GOLGA4: variants seen among roughly 807,000 people sequenced by gnomAD.
GOLGA4 encodes golgin subfamily A member 4.
In GOLGA4, 169 loss-of-function variants were observed where a neutral mutation model predicts 265.9. The observed-to-expected ratio is 0.64, with a 90% CI of 0.56 to 0.72. The LOEUF (loss-of-function observed/expected upper bound fraction) is 0.72, where lower values mean the gene tolerates loss of function less well. Among genes scored for constraint, GOLGA4 ranks in the 30% least tolerant of loss-of-function variants. The pLI is 0.00. For synonymous variants in GOLGA4, 923 were observed against 855.8 expected (o/e 1.08, Z -1.37); for missense variants, 2,482 against 2,483.4 (o/e 1.00, Z 0.01).
intron 2 of GOLGA4, among the ~76,000 whole-genome samples, chr3:37,259,097 G>A (rs2096762445): frequency 6.6e-6 from 1 of 152,090 alleles, no homozygotes; most frequent in Non-Finnish European, 1.5e-5. Context: ...TTGAAATCAT[G>A]TGTCCTGGGC....
At chr3:37,342,826 T>G (rs891480770) in intron 20 of GOLGA4, among the ~76,000 whole-genome samples, 16 of 152,252 alleles carry the variant, frequency 1.1e-4, no homozygotes, top group African/African-American at 3.9e-4. Flanking sequence ...CTATATTTTT[T>G]GTAGTAATTT....
At chr3:37,300,447 T>C (rs2096889697) in intron 9 of GOLGA4, among the ~76,000 whole-genome samples, 2 of 152,188 alleles carry the variant, frequency 1.3e-5, no homozygotes, top group South Asian at 4.1e-4. Flanking sequence ...TAATACTGCT[T>C]TGCTAGATTA....
chr3:37,311,822 TAG>T (rs1311029185), intron 10 of GOLGA4, among the ~76,000 whole-genome samples: 2 of 152,220 alleles, frequency 1.3e-5, no homozygotes, highest in Non-Finnish European at 2.9e-5. Context: ...CGACTGTATA[TAG>T]AAGAATATCC....
In GOLGA4 at chr3:37,298,923, T is replaced by C. The variant is rs1343187782; in HGVS notation, c.905T>C (p.Ile302Thr). 6 of 1,613,292 alleles carry C rather than the reference T, an allele frequency of 3.7e-6. No individual in the cohort carries two copies. The highest frequency in any genetic ancestry group is 2.2e-5 in the East Asian group (1 of 44,852). ...CTACTTAAGCGTTGTAAGGAAACAA[T>C]TCAGTCACATAAGGAACAATGTACA... ...ENLLKRCKET[I>T]QSHKEQCTLL... The change falls in exon 8 of 24, where the codon ATT (isoleucine) becomes ACT (threonine). Residue 302 changes from isoleucine to threonine, a missense_variant. Around this residue, in one of 3 missense-constraint regions of GOLGA4, gnomAD observed 1,536 missense variants for 1,483.7 expected, o/e 1.04. Coordinates refer to ENST00000361924, the MANE Select transcript of GOLGA4 (RefSeq NM_002078.5).
intron 10 of GOLGA4, among the ~76,000 whole-genome samples, chr3:37,314,866 A>G (rs2096933251): frequency 6.6e-6 from 1 of 152,192 alleles, no homozygotes; most frequent in Admixed American, 6.5e-5. Context: ...AGTAAGTTTC[A>G]TTTCAAAATA....
intron 16 of GOLGA4, 52 bp downstream of exon 16, chr3:37,329,145 T>A (rs747159821): frequency 4.2e-6 from 6 of 1,418,718 alleles, no homozygotes; most frequent in Non-Finnish European, 3.8e-6. Flanking sequence ...TGTAATAGAT[T>A]TCATGGTAGT....
chr3:37,286,397 C>T (rs2096849554), intron 4 of GOLGA4, among the ~76,000 whole-genome samples: 1 of 151,894 alleles, frequency 6.6e-6, no homozygotes, highest in African/African-American at 2.4e-5. Context: ...TCATGATCCA[C>T]CCGCCTCGGC....
At chr3:37,334,097 G>C (rs559354796) in intron 16 of GOLGA4, among the ~76,000 whole-genome samples, 1 of 152,282 alleles carries the variant, frequency 6.6e-6, no homozygotes, top group East Asian at 1.9e-4. Context: ...AAAGGTTATT[G>C]CAGGGTTTAT....
In GOLGA4 at chr3:37,324,432, A is replaced by G; in HGVS notation, c.2546A>G (p.Lys849Arg). 6.2e-7 allele frequency: 1 copy of G among 1,614,226 alleles called. No individual in the cohort carries two copies. The highest frequency in any genetic ancestry group is 1.1e-5 in the South Asian group (1 of 91,084). ...CAGGTTGCTGAAGTTGAAGCACAAA[A>G]GAAAGATGTTTGTACTGAGTTAGAT... is the stretch of plus-strand genomic sequence containing the variant. ...TKQVAEVEAQKKDVCTELDAH... is the reference protein window; with the variant it reads ...TKQVAEVEAQRKDVCTELDAH... The change falls in exon 14 of 24, where the codon AAG (lysine) becomes AGG (arginine). Residue 849 changes from lysine (K) to arginine (R), a missense_variant. Lys to Arg is a conservative substitution (Grantham distance 26, BLOSUM62 2). This residue lies in a region of GOLGA4 where 1,536 missense variants were observed against 1,483.7 expected (regional missense o/e 1.04). Transcript: ENST00000361924.
Position 37,337,703 on chromosome 3 carries a change from C to T in GOLGA4, c.6365C>T (p.Ser2122Leu), listed in dbSNP as rs373316909. 1.4e-5 allele frequency: 23 copies of T among 1,611,438 alleles called. No homozygotes were observed. The East Asian group carries it at 4.0e-4, about 28-fold the overall frequency. ...LAQKTTLISDSKLKEQEFREQ... is the reference protein window; with the variant it reads ...LAQKTTLISDLKLKEQEFREQ... Reference sequence around the variant, plus strand: ...CAGAAGACGACTTTAATCAGTGATTCGAAATTGAAAGAGCAAGAGTTCAGA... The same window carrying T: ...CAGAAGACGACTTTAATCAGTGATTTGAAATTGAAAGAGCAAGAGTTCAGA... Residue 2122 changes from serine to leucine, a missense_variant, in exon 19 of 24, where the codon TCG becomes TTG. Ser to Leu is a moderately radical substitution (Grantham distance 145). Transcript: ENST00000361924.
At chr3:37,347,139 A>G (rs899409726) in intron 20 of GOLGA4, 54 bp from the exon 21 acceptor site, 68 of 994,580 alleles carry the variant, frequency 6.8e-5, no homozygotes, top group Non-Finnish European at 1.0e-4. Context: ...TATAAGTAAT[A>G]AGTAGTTTAC....
intron 22 of GOLGA4, among the ~76,000 whole-genome samples, chr3:37,358,928 A>T (rs1204361086): frequency 6.6e-6 from 1 of 151,994 alleles, no homozygotes; most frequent in African/African-American, 2.4e-5. Flanking sequence ...CATATTTTTG[A>T]CCCTCATTGG....
intron 1 of GOLGA4, among the ~76,000 whole-genome samples, chr3:37,246,306 CAAA>C (rs58075364): frequency 4.0e-5 from 3 of 75,460 alleles, no homozygotes; most frequent in Admixed American, 1.6e-4. Flanking sequence ...GACTCCGTCT[CAAA>C]AAAAAAAAAA....
intron 1 of GOLGA4, among the ~76,000 whole-genome samples, chr3:37,247,179 T>C (rs2096721970): frequency 6.6e-6 from 1 of 152,232 alleles, no homozygotes; most frequent in Non-Finnish European, 1.5e-5. Context: ...TTGACTGCTC[T>C]TTTAGAACTG....
chr3:37,345,101 T>G (rs1315598036), intron 20 of GOLGA4, among the ~76,000 whole-genome samples: 1 of 152,086 alleles, frequency 6.6e-6, no homozygotes, highest in East Asian at 1.9e-4. Context: ...TCCCAGCTAC[T>G]TGGGAGGCTG....
rs777969002 is a variant in GOLGA4 at position 37,324,222 on chromosome 3, T to C, written c.2336T>C (p.Val779Ala). ...CATTTGAAAGAGCATCAGGCTCATG[T>C]AGAAAATTTAGAGGCAGATATTAAA... is the stretch of plus-strand genomic sequence containing the variant. ...DKHLKEHQAH[V>A]ENLEADIKRS... The change falls in exon 14 of 24, where the codon GTA becomes GCA. Residue 779 changes from valine (V) to alanine (A), a missense_variant. Val to Ala is a moderately conservative substitution (Grantham distance 64). Transcript: ENST00000361924. 7 of 1,614,170 alleles carry C rather than the reference T, an allele frequency of 4.3e-6. No homozygotes were observed. The highest frequency in any genetic ancestry group is 2.2e-5 in the South Asian group (2 of 91,084).
chr3:37,308,089 C>T (rs147706888), intron 10 of GOLGA4, among the ~76,000 whole-genome samples: 127 of 151,946 alleles, frequency 8.4e-4, no homozygotes, highest in African/African-American at 2.8e-3. Context: ...AAAAATTAGC[C>T]GGGCATGGTG....
At chr3:37,337,906 T>C (rs1036183938) in intron 19 of GOLGA4, among the ~76,000 whole-genome samples, 172 bp downstream of exon 19, 5 of 152,242 alleles carry the variant, frequency 3.3e-5, no homozygotes, top group African/African-American at 1.2e-4. Context: ...CATGATCATA[T>C]ATATTTAAGC....
In GOLGA4 at chr3:37,251,419, A is replaced by G. The variant is rs1318143624; in HGVS notation, c.97A>G (p.Thr33Ala). Residue 33 changes from threonine (T) to alanine (A), a missense_variant, in exon 2 of 24, where the codon ACA becomes GCA. By Grantham distance (58) the Thr-to-Ala change is moderately conservative (BLOSUM62 0). This residue lies in a region of GOLGA4 where 1,536 missense variants were observed against 1,483.7 expected (regional missense o/e 1.04). Coordinates refer to ENST00000361924, the MANE Select transcript of GOLGA4 (RefSeq NM_002078.5). ...AQASSNSSTP[T>A]RMRSRTSSFT... is the part of the protein sequence containing the mutation. ...GGCGTCCTCCAATTCTTCAACACCA[A>G]CAAGAATGAGGAGCAGGACATCTTC... The G allele has an allele frequency of 2.5e-6, 4 of 1,612,322 alleles. No individual in the cohort carries two copies. Among genetic ancestry groups the G allele is most frequent in the Admixed American group, 1.7e-5 (1 of 60,024 alleles).
Sources: allele counts gnomAD v4.1 joint callset (sites outside exome capture counted in the v4.1 genomes callset), GRCh38; gene constraint gnomAD v4.1.1; regional missense constraint gnomAD v4.1.1; transcripts MANE v1.5; gene names NCBI Gene and HGNC (gene_info 2026-07-23, HGNC 2026-07-21).